CELF2: variants seen among roughly 807,000 people sequenced by gnomAD.
CELF2 encodes the protein CUGBP Elav-like family member 2.
CELF2 carries 8 observed loss-of-function variants against 62.6 expected under a neutral mutation model. The observed-to-expected ratio is 0.13, with a 90% CI of 0.07 to 0.23. CELF2 has a LOEUF of 0.23. Among genes scored for constraint, CELF2 ranks in the 10% least tolerant of loss-of-function variants. The probability of loss-of-function intolerance (pLI) is 1.00; values close to 1 mark genes in which losing one functional copy is unlikely to be tolerated. For missense variants in CELF2, 333 were observed against 671.0 expected, an observed-to-expected ratio of 0.50 and a Z score of 5.56; for synonymous variants, 258 against 250.0, an observed-to-expected ratio of 1.03 and a Z score of -0.30.
At chr10:11,049,577 AAAAAAT>A (rs2063529368) in intron 1 of CELF2, among the ~76,000 whole-genome samples, 1 of 149,502 alleles carries the variant, frequency 6.7e-6, no homozygotes, top group African/African-American at 2.5e-5. Context: ...AAAAAAAAAA[AAAAAAT>A]ACTAATTTTT....
In CELF2 at chr10:10,872,707, T is replaced by C. The variant is rs906822766; in HGVS notation, c.54-47257T>C. 7.2e-5 allele frequency among the ~76,000 whole-genome samples: 11 copies of C among 152,052 alleles called. No individual in the cohort carries two copies. In the South Asian group the frequency reaches 1.7e-3, roughly 23 times the overall value. ...TGCAAAAATTTTAAAGGCTCTCCCA[T>C]AGCCTGGTGGCTTTTATGGAAAAAT... On this transcript the variant is annotated intron_variant, in intron 1 of 13. Transcript: ENST00000636488.
intron 1 of CELF2, among the ~76,000 whole-genome samples, chr10:10,913,894 G>GAA (rs1273571804): frequency 3.7e-4 from 53 of 142,286 alleles, no homozygotes; most frequent in African/African-American, 1.0e-3. Flanking sequence ...AAGAAGGAAG[G>GAA]GAGGGAGGGA....
At chr10:11,122,965 A>T in intron 1 of CELF2, among the ~76,000 whole-genome samples, 1 of 152,208 alleles carries the variant, frequency 6.6e-6, no homozygotes, top group East Asian at 1.9e-4. Flanking sequence ...AGGGCTAGTC[A>T]TGCAGCTGCA....
the CELF2 span, among the ~76,000 whole-genome samples, chr10:10,580,693 T>A: frequency 6.6e-6 from 1 of 152,336 alleles, no homozygotes; most frequent in East Asian, 1.9e-4. Context: ...TACGAAACAT[T>A]AGAGAAAATA....
Position 10,848,783 on chromosome 10 carries a change from C to CT in CELF2, c.53+49968dup, listed in dbSNP as rs1339350826. 2.0e-5 allele frequency among the ~76,000 whole-genome samples: 3 copies of CT among 152,180 alleles called. No individual in the cohort carries two copies. The East Asian group carries it at 5.8e-4, about 29-fold the overall frequency. On this transcript the variant is annotated intron_variant, in intron 1 of 13. Coordinates refer to the CELF2 transcript ENST00000636488. ...CTAACCATGAAATACGGTAGAGTTT[C>CT]TTCAACCATCTAGAAAACGGAGATT...
the CELF2 span, among the ~76,000 whole-genome samples, chr10:10,464,424 C>CT: frequency 2.4e-3 from 362 of 151,180 alleles, 2 homozygotes; most frequent in African/African-American, 7.2e-3. Context: ...CAGTACTTGT[C>CT]TTTTTTTTTA....
the CELF2 span, among the ~76,000 whole-genome samples, chr10:10,721,612 T>G: frequency 1.3e-5 from 2 of 152,244 alleles, no homozygotes; most frequent in African/African-American, 4.8e-5. Flanking sequence ...TTGAATTAAA[T>G]TTTAATTTTT....
At chr10:10,933,307 A>G (rs1265789748) in intron 2 of CELF2, among the ~76,000 whole-genome samples, 1 of 152,164 alleles carries the variant, frequency 6.6e-6, no homozygotes, top group Non-Finnish European at 1.5e-5. Flanking sequence ...TATATAAAAA[A>G]TATTTTGACA....
In CELF2 at chr10:11,205,519, A is replaced by G. The variant is rs146223667; in HGVS notation, c.272-11906A>G. Among the ~76,000 whole-genome samples the G allele has an allele frequency of 2.8e-3, 434 of 152,326 alleles. 3 individuals carry two copies. Among genetic ancestry groups the G allele is most frequent in the African/African-American group, 9.7e-3 (404 of 41,552 alleles). On this transcript the variant is annotated intron_variant, in intron 2 of 12. Transcript: ENST00000633077. ...TTGTTTGGCTTAATGTGATACATCT[A>G]TAATATAGCTGTCACTAACCCCATG...
chr10:11,076,174 T>TAAC (rs904126723), intron 1 of CELF2, among the ~76,000 whole-genome samples: 2 of 152,006 alleles, frequency 1.3e-5, no homozygotes, highest in African/African-American at 4.8e-5. Flanking sequence ...GGAAGCTTGT[T>TAAC]AACAGCATTG....
intron 3 of CELF2, among the ~76,000 whole-genome samples, chr10:11,218,367 G>A (rs1042981647): frequency 6.6e-6 from 1 of 152,166 alleles, no homozygotes; most frequent in African/African-American, 2.4e-5. Context: ...AATGTTTTCA[G>A]GGTATAATTC....
intron 1 of CELF2, among the ~76,000 whole-genome samples, chr10:11,091,226 G>C (rs551738120): frequency 6.6e-6 from 1 of 152,308 alleles, no homozygotes; most frequent in Admixed American, 6.5e-5. Context: ...CCAAATTCAG[G>C]TTCCATCATT....
intron 1 of CELF2, among the ~76,000 whole-genome samples, chr10:11,146,687 G>T (rs1254660118): frequency 2.0e-5 from 3 of 152,174 alleles, no homozygotes; most frequent in Admixed American, 2.0e-4. Context: ...CTAAATAATG[G>T]AATCTTTCTC....
the CELF2 span, among the ~76,000 whole-genome samples, chr10:10,714,650 A>G: frequency 6.6e-6 from 1 of 152,182 alleles, no homozygotes; most frequent in African/African-American, 2.4e-5. Context: ...TCTCAGGGCT[A>G]AGAGGGATGG....
chr10:10,863,602 G>T (rs895741920), intron 1 of CELF2, among the ~76,000 whole-genome samples: 6 of 152,088 alleles, frequency 3.9e-5, no homozygotes, highest in African/African-American at 1.4e-4. Context: ...AGTAATTGCA[G>T]TTTTTTGCCG....
intron 10 of CELF2, chr10:11,320,915 C>G (rs1165273240): frequency 1.3e-6 from 2 of 1,548,084 alleles, no homozygotes; most frequent in Non-Finnish European, 1.7e-6. Context: ...GCCAGTAGCA[C>G]GCTGCATGGC....
At chr10:10,614,496 A>T in the CELF2 span, among the ~76,000 whole-genome samples, 33 of 152,162 alleles carry the variant, frequency 2.2e-4, 1 homozygote, top group Non-Finnish European at 1.9e-4. Flanking sequence ...TAAACAAAAC[A>T]AAACTAAACT....
intron 2 of CELF2, among the ~76,000 whole-genome samples, chr10:11,192,105 A>G (rs1319824999): frequency 6.6e-6 from 1 of 152,222 alleles, no homozygotes; most frequent in African/African-American, 2.4e-5. Flanking sequence ...CCACCTGCTC[A>G]GCTGTGCACC....
chr10:10,716,644 C>A, the CELF2 span, among the ~76,000 whole-genome samples: 206 of 152,318 alleles, frequency 1.4e-3, 2 homozygotes, highest in African/African-American at 4.7e-3. Flanking sequence ...TTAGTTAATG[C>A]AACTATCAGT....
Sources: gnomAD v4.1 joint callset for allele counts (sites outside exome capture counted in the v4.1 genomes callset) on GRCh38, gnomAD v4.1.1 for gene constraint, MANE v1.5 for transcripts, NCBI Gene and HGNC (gene_info 2026-07-23, HGNC 2026-07-21) for gene names.